Variants in SOX5 observed in about 807,000 individuals in gnomAD.
SOX5 encodes transcription factor SOX-5.
SOX5 carries 9 observed loss-of-function variants against 92.0 expected under a neutral mutation model. The ratio of observed to expected loss-of-function variants is 0.10; its 90% CI spans 0.06 to 0.17. SOX5 has a LOEUF of 0.17. Among genes scored for constraint, SOX5 ranks in the 10% least tolerant of loss-of-function variants. The pLI is 1.00. For synonymous variants in SOX5, 344 were observed against 336.3 expected, an observed-to-expected ratio of 1.02 and a Z score of -0.25; for missense variants, 642 against 944.5, an observed-to-expected ratio of 0.68 and a Z score of 4.20.
At chr12:23,736,476 A>G (rs1464342439) in intron 5 of SOX5, among the ~76,000 whole-genome samples, 3 of 152,124 alleles carry the variant, frequency 2.0e-5, no homozygotes, top group Non-Finnish European at 4.4e-5. Flanking sequence ...ATAATAAAAA[A>G]AAAAATCTCT....
chr12:23,731,753 A>C (rs2093402341), intron 6 of SOX5, among the ~76,000 whole-genome samples: 1 of 152,238 alleles, frequency 6.6e-6, no homozygotes, highest in African/African-American at 2.4e-5. Flanking sequence ...AACTGGACCA[A>C]GATAATGTCT....
At chr12:24,012,238 C>T (rs1953031609) in intron 4 of SOX5, among the ~76,000 whole-genome samples, 1 of 152,124 alleles carries the variant, frequency 6.6e-6, no homozygotes, top group Non-Finnish European at 1.5e-5. Flanking sequence ...CATAGTAACA[C>T]AGGCAACTAG....
chr12:23,910,606 C>A (rs529505624), intron 1 of SOX5, among the ~76,000 whole-genome samples: 4 of 152,204 alleles, frequency 2.6e-5, no homozygotes, highest in African/African-American at 7.2e-5. Flanking sequence ...AGCCACCAGA[C>A]CTATATGGAG....
At chr12:23,983,429 G>A (rs1949782326) in intron 4 of SOX5, among the ~76,000 whole-genome samples, 1 of 152,156 alleles carries the variant, frequency 6.6e-6, no homozygotes, top group African/African-American at 2.4e-5. Context: ...CATGGGGTCG[G>A]AAGACTGGCC....
At chr12:24,253,692 CT>C (rs997038827) in intron 3 of SOX5, among the ~76,000 whole-genome samples, 5 of 152,138 alleles carry the variant, frequency 3.3e-5, no homozygotes, top group Non-Finnish European at 7.4e-5. Context: ...GACATTCTGT[CT>C]TTTGAAGGCA....
intron 4 of SOX5, among the ~76,000 whole-genome samples, chr12:24,054,307 T>G (rs1371048447): frequency 2.6e-5 from 4 of 152,214 alleles, no homozygotes; most frequent in Non-Finnish European, 5.9e-5. Context: ...AGAACCTACA[T>G]CTTCCTCAGA....
intron 6 of SOX5, among the ~76,000 whole-genome samples, chr12:23,722,983 A>T (rs1386129542): frequency 6.6e-6 from 1 of 152,170 alleles, no homozygotes; most frequent in East Asian, 1.9e-4. Context: ...TGAAGATATA[A>T]AGAAAACACA....
chr12:24,245,364 A>G (rs1219575445), intron 3 of SOX5, among the ~76,000 whole-genome samples: 1 of 1,456 alleles, frequency 6.9e-4, no homozygotes, highest in African/African-American at 3.6e-3. Flanking sequence ...GAGTTAATAA[A>G]TTAATGAATA....
At chr12:24,301,836 C>G (rs1036861163) in intron 2 of SOX5, among the ~76,000 whole-genome samples, 2 of 152,108 alleles carry the variant, frequency 1.3e-5, no homozygotes, top group Admixed American at 1.3e-4. Context: ...GACTATGATC[C>G]AAGCTGATTT....
intron 6 of SOX5, among the ~76,000 whole-genome samples, chr12:23,699,096 T>C (rs1256861199): frequency 1.3e-5 from 2 of 152,220 alleles, no homozygotes; most frequent in African/African-American, 4.8e-5. Flanking sequence ...TGCAGATTTC[T>C]AGTGAAAAAG....
At chr12:23,910,888 C>T (rs2097344353) in intron 1 of SOX5, among the ~76,000 whole-genome samples, 2 of 152,182 alleles carry the variant, frequency 1.3e-5, no homozygotes, top group South Asian at 4.1e-4. Flanking sequence ...AAACTATTAT[C>T]TATAGTTGCT....
chr12:23,801,721 TTAAATG>T (rs2095662563), intron 3 of SOX5, among the ~76,000 whole-genome samples: 1 of 152,206 alleles, frequency 6.6e-6, no homozygotes, highest in Non-Finnish European at 1.5e-5. Context: ...ATTACATAAA[TTAAATG>T]TAATAGCGCT....
chr12:24,440,139 G>C (rs780041583), intron 1 of SOX5, among the ~76,000 whole-genome samples: 2 of 152,114 alleles, frequency 1.3e-5, no homozygotes, highest in Non-Finnish European at 2.9e-5. Context: ...TCCTTGGCTG[G>C]GACTTATGTC....
intron 14 of SOX5, 44 bp from the exon 15 acceptor site, chr12:23,534,566 A>ATAGT: frequency 1.3e-6 from 2 of 1,501,142 alleles, no homozygotes; most frequent in African/African-American, 1.4e-5. Flanking sequence ...GGGTAAGTGA[A>ATAGT]TAGTTAGATG....
At chr12:24,072,607 C>A (rs2137459915) in intron 4 of SOX5, among the ~76,000 whole-genome samples, 1 of 152,290 alleles carries the variant, frequency 6.6e-6, no homozygotes, top group South Asian at 2.1e-4. Context: ...TCTTTGATAG[C>A]AGCAATGTGG....
intron 4 of SOX5, among the ~76,000 whole-genome samples, chr12:24,112,281 C>CA (rs1200868470): frequency 9.9e-5 from 15 of 152,098 alleles, no homozygotes; most frequent in Non-Finnish European, 1.6e-4. Context: ...CTATTCCTCT[C>CA]AAAAAAGTTT....
At chr12:24,382,952 A>G (rs540933414) in intron 1 of SOX5, among the ~76,000 whole-genome samples, 1 of 152,312 alleles carries the variant, frequency 6.6e-6, no homozygotes, top group Admixed American at 6.5e-5. Flanking sequence ...TCAGGTAGTC[A>G]TGTGGATACG....
chr12:23,814,376 C>T (rs927335406), intron 3 of SOX5, among the ~76,000 whole-genome samples: 3 of 152,138 alleles, frequency 2.0e-5, no homozygotes, highest in Non-Finnish European at 4.4e-5. Flanking sequence ...TGAGATGTCC[C>T]ATACTGAAGG....
chr12:24,202,552 G>A (rs1326492187), intron 4 of SOX5, among the ~76,000 whole-genome samples: 1 of 152,128 alleles, frequency 6.6e-6, no homozygotes, highest in Non-Finnish European at 1.5e-5. Context: ...CCACTAATGT[G>A]TTTTTCTTGG....
Sources: allele counts gnomAD v4.1 joint callset (sites outside exome capture counted in the v4.1 genomes callset), GRCh38; gene constraint gnomAD v4.1.1; transcripts MANE v1.5; gene names NCBI Gene and HGNC (gene_info 2026-07-23, HGNC 2026-07-21).